The following SEC14L5 variants were observed in gnomAD, a reference collection of about 807,000 sequenced individuals.
SEC14L5 encodes the protein SEC14 like lipid binding 5, also known as SEC14-like protein 5.
In SEC14L5, 96 loss-of-function variants were observed where a neutral mutation model predicts 84.6. That is an observed-to-expected ratio of 1.13 (90% confidence interval 0.96 to 1.34). The LOEUF (loss-of-function observed/expected upper bound fraction) is 1.34. SEC14L5 is among the 40% of genes most tolerant of loss of function. The probability of loss-of-function intolerance (pLI) is 0.00; values close to 1 mark genes in which losing one functional copy is unlikely to be tolerated. For synonymous variants in SEC14L5, 546 were observed against 383.4 expected, an observed-to-expected ratio of 1.42 and a Z score of -4.95; for missense variants, 1,224 against 942.5, an observed-to-expected ratio of 1.30 and a Z score of -3.91.
chr16:4,965,458 G>A (rs538862871), intron 2 of SEC14L5, among the ~76,000 whole-genome samples: 5 of 149,092 alleles, frequency 3.4e-5, no homozygotes, highest in African/African-American at 9.9e-5. Flanking sequence ...TCAGGAGATC[G>A]AGACCATCCT....
intron 2 of SEC14L5, among the ~76,000 whole-genome samples, chr16:4,983,307 C>G (rs2972292): frequency 0.51 from 76,777 of 151,546 alleles, 19,753 homozygotes; most frequent in East Asian, 0.73. Context: ...AGCCACTGCT[C>G]ACAGCATGCC....
chr16:5,008,051 G>C (rs1358323880), intron 13 of SEC14L5, among the ~76,000 whole-genome samples: 1 of 151,892 alleles, frequency 6.6e-6, no homozygotes, highest in Non-Finnish European at 1.5e-5. Flanking sequence ...GGGATTACAG[G>C]TGCCAGCCAG....
chr16:4,959,567 G>A lies in SEC14L5; in HGVS notation c.63+181G>A, dbSNP rs558904066. On this transcript the variant is annotated intron_variant, in intron 2 of 15. Transcript: ENST00000251170. ...CTCTCTGTCCAACCATCCTATCCTC[G>A]GCCCAGTGACCAAAACACAAAGTCT... Among the ~76,000 whole-genome samples, 5 of 152,072 alleles carry A rather than the reference G, an allele frequency of 3.3e-5. No homozygotes were observed. In the East Asian group the frequency reaches 7.7e-4, roughly 23 times the overall value.
chr16:4,981,005 G>T (rs1419454080), intron 2 of SEC14L5, among the ~76,000 whole-genome samples: 1 of 152,142 alleles, frequency 6.6e-6, no homozygotes, highest in Non-Finnish European at 1.5e-5. Flanking sequence ...CGTGGCTGGA[G>T]CCAGATGAGG....
intron 10 of SEC14L5, among the ~76,000 whole-genome samples, chr16:5,001,951 G>A (rs1439015181): frequency 1.3e-5 from 2 of 149,828 alleles, no homozygotes; most frequent in Non-Finnish European, 3.0e-5. Context: ...TTTTTTTTTT[G>A]CAGAGATGAG....
At chr16:4,970,291 T>C (rs1242198879) in intron 2 of SEC14L5, among the ~76,000 whole-genome samples, 1 of 152,122 alleles carries the variant, frequency 6.6e-6, no homozygotes, top group African/African-American at 2.4e-5. Flanking sequence ...CCAGCCAGGC[T>C]GAGAGTTGCG....
chr16:4,999,557 C>T (rs962226840), intron 8 of SEC14L5, among the ~76,000 whole-genome samples: 7 of 151,772 alleles, frequency 4.6e-5, no homozygotes, highest in African/African-American at 1.7e-4. Context: ...GAGGTTCAGG[C>T]TGCAGTGAGT....
chr16:4,975,080 C>T (rs1292075875), intron 2 of SEC14L5, among the ~76,000 whole-genome samples: 2 of 152,166 alleles, frequency 1.3e-5, no homozygotes, highest in East Asian at 3.9e-4. Context: ...GCCCAGCTTG[C>T]GTCCTCATAT....
intron 14 of SEC14L5, among the ~76,000 whole-genome samples, chr16:5,010,704 C>T (rs760985467): frequency 3.3e-5 from 5 of 152,164 alleles, no homozygotes; most frequent in Admixed American, 1.3e-4. Context: ...TCTCCCTGAT[C>T]CCTCCACAAA....
intron 10 of SEC14L5, 43 bp downstream of exon 10, chr16:5,000,968 G>C (rs764915420): frequency 2.7e-6 from 4 of 1,483,970 alleles, no homozygotes; most frequent in East Asian, 4.7e-5. Context: ...AAACAGCAAA[G>C]ACGGAGGGTG....
At chr16:5,009,533 A>G (rs1394130197) in intron 14 of SEC14L5, among the ~76,000 whole-genome samples, 1 of 152,082 alleles carries the variant, frequency 6.6e-6, no homozygotes, top group Non-Finnish European at 1.5e-5. Flanking sequence ...TATGTTGCCC[A>G]GGATGATCTT....
chr16:4,979,955 T>G (rs1414148443), intron 2 of SEC14L5, among the ~76,000 whole-genome samples: 1 of 152,178 alleles, frequency 6.6e-6, no homozygotes, highest in Admixed American at 6.5e-5. Context: ...GACTCAGCAT[T>G]TCCAAGCCAC....
intron 14 of SEC14L5, among the ~76,000 whole-genome samples, 166 bp downstream of exon 14, chr16:5,008,814 A>T (rs1394845653): frequency 6.6e-6 from 1 of 152,326 alleles, no homozygotes; most frequent in East Asian, 1.9e-4. Context: ...TCATGTAATG[A>T]AGTGCTCACC....
At chr16:4,990,215 T>G (rs1955538137) in intron 4 of SEC14L5, among the ~76,000 whole-genome samples, 3 of 151,980 alleles carry the variant, frequency 2.0e-5, no homozygotes, top group Admixed American at 1.3e-4. Flanking sequence ...CAGGCTGGAG[T>G]GCAGTGGCAT....
intron 2 of SEC14L5, among the ~76,000 whole-genome samples, chr16:4,976,001 A>G (rs1955334523): frequency 6.6e-6 from 1 of 152,228 alleles, no homozygotes; most frequent in Non-Finnish European, 1.5e-5. Context: ...TGGATGAGGA[A>G]GAACAGGAAG....
In SEC14L5 at chr16:5,015,366, T is replaced by A; in HGVS notation, c.*396T>A. On this transcript the variant is annotated 3_prime_UTR_variant, in exon 16 of 16. Transcript: ENST00000251170. Reference sequence around the variant, plus strand: ...GCCCTTCTCCTCCCTGCAGCTTGCCTGCATAAGAGAGCCTCTTCCTCCCAA... The same window carrying A: ...GCCCTTCTCCTCCCTGCAGCTTGCCAGCATAAGAGAGCCTCTTCCTCCCAA... 1.1e-5 allele frequency: 2 copies of A among 180,494 alleles called. No homozygotes were observed. Among genetic ancestry groups the A allele is most frequent in the Non-Finnish European group, 2.4e-5 (2 of 85,098 alleles). The allele number at this position is 180,494 out of a possible 1,614,324, so 11.2% of individuals were successfully genotyped here. A position where few individuals can be genotyped will look rare whatever the true frequency, so the allele number is the denominator to read the frequency against.
intron 13 of SEC14L5, among the ~76,000 whole-genome samples, chr16:5,008,160 C>T (rs1955755311): frequency 6.6e-6 from 1 of 152,036 alleles, no homozygotes; most frequent in Non-Finnish European, 1.5e-5. Context: ...AAGTGATCCA[C>T]CCACCTCGGC....
In SEC14L5 at chr16:5,000,734, G is replaced by A. The variant is rs199564469; in HGVS notation, c.1050G>A (p.Leu350=). 6.4e-7 allele frequency: 1 copy of A among 1,552,726 alleles called. No homozygotes were observed. Among genetic ancestry groups the A allele is most frequent in the Non-Finnish European group, 8.7e-7 (1 of 1,147,842 alleles). The change falls in exon 9 of 16, where the codon CTG becomes CTA. Residue 350 remains leucine, a synonymous_variant. Transcript: ENST00000251170. ...TGAAGGCCGTGGGGGAGGAGGCGCT[G>A]CTGCGGCATGTGAGTCAGGGGCCTC... ...GLMKAVGEEA[L]LRHVLSVNEE...
intron 2 of SEC14L5, among the ~76,000 whole-genome samples, chr16:4,986,606 C>A (rs1004805265): frequency 4.6e-5 from 7 of 152,304 alleles, no homozygotes; most frequent in Admixed American, 2.6e-4. Flanking sequence ...TGTGTTGAAT[C>A]TGTAGACTAG....
Sources: allele counts gnomAD v4.1 joint callset (sites outside exome capture counted in the v4.1 genomes callset), GRCh38; gene constraint gnomAD v4.1.1; transcripts MANE v1.5; gene names NCBI Gene and HGNC (gene_info 2026-07-23, HGNC 2026-07-21).